LTBP1: variants seen among roughly 807,000 people sequenced by gnomAD.
LTBP1 encodes the protein latent transforming growth factor beta binding protein 1.
In LTBP1, 129 loss-of-function variants were observed where a neutral mutation model predicts 207.6. That is an observed-to-expected ratio of 0.62 (90% CI 0.54 to 0.72). LTBP1 has a LOEUF of 0.72. Among genes scored for constraint, LTBP1 ranks in the 30% least tolerant of loss-of-function variants. The pLI is 0.00. For synonymous variants in LTBP1, 963 were observed against 833.7 expected (o/e 1.16, Z -2.67); for missense variants, 2,281 against 2,217.2 (o/e 1.03, Z -0.58).
At chr2:33,280,830 A>G (rs10176679) in intron 19 of LTBP1, among the ~76,000 whole-genome samples, 2,724 of 152,246 alleles carry the variant, frequency 0.018, 88 homozygotes, top group African/African-American at 0.061. Flanking sequence ...GAACTTTGGA[A>G]GGCCGAGGCA....
Position 33,381,434 on chromosome 2 carries a change from G to A in LTBP1, c.4712-7750G>A, listed in dbSNP as rs72802034. Reference sequence around the variant, plus strand: ...GGTGAAGGTTGGGAGTGGGGAGAACGTGGTTGGTCTATGGCCCGTGAGTCT... The same window carrying A: ...GGTGAAGGTTGGGAGTGGGGAGAACATGGTTGGTCTATGGCCCGTGAGTCT... On this transcript the variant is annotated intron_variant, in intron 31 of 33. Transcript: ENST00000404816. 6.1e-3 allele frequency among the ~76,000 whole-genome samples: 932 copies of A among 152,296 alleles called. 2 individuals carry two copies. The highest frequency in any genetic ancestry group is 9.2e-3 in the Non-Finnish European group (628 of 68,018).
chr2:33,034,164 A>G (rs986715366), intron 3 of LTBP1, among the ~76,000 whole-genome samples: 18 of 151,910 alleles, frequency 1.2e-4, no homozygotes, highest in African/African-American at 4.3e-4. Context: ...TGAGGGAATG[A>G]TGGCATGGAT....
intron 19 of LTBP1, among the ~76,000 whole-genome samples, chr2:33,286,147 CAAA>C (rs1158308504): frequency 6.6e-6 from 1 of 152,192 alleles, no homozygotes. Flanking sequence ...CCCGGTAACA[CAAA>C]ATTCTGAGAT....
intron 24 of LTBP1, among the ~76,000 whole-genome samples, chr2:33,335,099 CAGA>C (rs1418975957): frequency 6.8e-6 from 1 of 147,594 alleles, no homozygotes; most frequent in African/African-American, 2.5e-5. Flanking sequence ...GTGTGGGCAA[CAGA>C]GTGAGACCCT....
intron 3 of LTBP1, among the ~76,000 whole-genome samples, chr2:33,036,544 G>A (rs192644099): frequency 4.0e-5 from 6 of 151,380 alleles, no homozygotes; most frequent in East Asian, 3.9e-4. Context: ...TGCAACCTCC[G>A]CCTCCTGGGT....
At chr2:33,078,454 C>T (rs997896107) in intron 3 of LTBP1, among the ~76,000 whole-genome samples, 1 of 152,146 alleles carries the variant, frequency 6.6e-6, no homozygotes, top group African/African-American at 2.4e-5. Flanking sequence ...ATAATGTGAC[C>T]AGAACCACTG....
At chr2:33,086,123 T>G (rs1422087046) in intron 3 of LTBP1, among the ~76,000 whole-genome samples, 1 of 152,186 alleles carries the variant, frequency 6.6e-6, no homozygotes, top group Non-Finnish European at 1.5e-5. Context: ...ATTCACCCAC[T>G]GTGAAGTAGG....
chr2:33,175,874 A>G (rs1208468263), intron 5 of LTBP1, among the ~76,000 whole-genome samples: 1 of 142,636 alleles, frequency 7.0e-6, no homozygotes, highest in Non-Finnish European at 1.5e-5. Flanking sequence ...ATGAAATTGG[A>G]AATCATCATT....
intron 5 of LTBP1, among the ~76,000 whole-genome samples, chr2:33,157,726 C>G (rs1200354871): frequency 6.6e-6 from 1 of 152,152 alleles, no homozygotes; most frequent in African/African-American, 2.4e-5. Flanking sequence ...CGAGGAGCAT[C>G]AGAGAGAGAT....
chr2:33,323,604 G>A (rs941845404), intron 24 of LTBP1, among the ~76,000 whole-genome samples: 1 of 149,260 alleles, frequency 6.7e-6, no homozygotes, highest in East Asian at 2.0e-4. Flanking sequence ...ATTTCAGCCT[G>A]GGTGACAGAG....
intron 12 of LTBP1, among the ~76,000 whole-genome samples, 170 bp downstream of exon 12, chr2:33,257,681 C>G (rs1017420072): frequency 1.2e-4 from 19 of 152,186 alleles, no homozygotes; most frequent in African/African-American, 4.6e-4. Flanking sequence ...AAATGTTTAG[C>G]CACTGCTATA....
chr2:33,081,589 T>G (rs944506341), intron 3 of LTBP1, among the ~76,000 whole-genome samples: 4 of 152,118 alleles, frequency 2.6e-5, no homozygotes, highest in African/African-American at 7.2e-5. Flanking sequence ...TGTTAGCACG[T>G]TGGTTCTAAA....
intron 2 of LTBP1, among the ~76,000 whole-genome samples, chr2:32,990,976 A>C (rs1265773831): frequency 6.6e-6 from 1 of 152,172 alleles, no homozygotes; most frequent in Admixed American, 6.5e-5. Flanking sequence ...TTACCTTCCA[A>C]GATTATAATA....
intron 3 of LTBP1, among the ~76,000 whole-genome samples, chr2:33,083,361 G>A (rs1439650453): frequency 6.6e-6 from 1 of 152,092 alleles, no homozygotes; most frequent in Non-Finnish European, 1.5e-5. Flanking sequence ...CTCAAAAAAT[G>A]TGTCCTCCAC....
At chr2:33,325,430 T>G (rs2094414292) in intron 24 of LTBP1, among the ~76,000 whole-genome samples, 1 of 152,216 alleles carries the variant, frequency 6.6e-6, no homozygotes, top group Non-Finnish European at 1.5e-5. Context: ...TCTGTAGGGC[T>G]TTCTCCCAGT....
At chr2:32,957,920 A>G (rs960479348) in intron 2 of LTBP1, among the ~76,000 whole-genome samples, 2 of 152,124 alleles carry the variant, frequency 1.3e-5, no homozygotes, top group African/African-American at 4.8e-5. Context: ...CTGTGCATAC[A>G]TTGCCATCGA....
intron 2 of LTBP1, among the ~76,000 whole-genome samples, chr2:32,976,671 C>A (rs1681839033): frequency 1.3e-5 from 2 of 152,150 alleles, no homozygotes; most frequent in African/African-American, 4.8e-5. Flanking sequence ...GCTTGCATTT[C>A]TTTTGTTAGG....
chr2:33,222,252 C>T, intron 9 of LTBP1, 101 bp downstream of exon 9: 1 of 787,364 alleles, frequency 1.3e-6, no homozygotes. Flanking sequence ...CAGCCTGTCA[C>T]AGTGAACCAC....
Position 33,134,199 on chromosome 2 carries a change from A to G in LTBP1, c.1034-594A>G, listed in dbSNP as rs959688248. On this transcript the variant is annotated intron_variant, in intron 4 of 33. Coordinates refer to ENST00000404816, the MANE Select transcript of LTBP1 (RefSeq NM_206943.4). This position sits in a 1 kb window ranked among gnomAD's most constrained non-coding sequence, Gnocchi z 4.4. ...AGAAATAGTGCCCTGGAGTTGTGAA[A>G]AAGAAATGGGCTCCCGCAGCTGCGT... Among the ~76,000 whole-genome samples the G allele has an allele frequency of 1.8e-4, 28 of 152,236 alleles. No individual in the cohort carries two copies. Among genetic ancestry groups the G allele is most frequent in the African/African-American group, 6.3e-4 (26 of 41,456 alleles).
Sources: gnomAD v4.1 joint callset for allele counts (sites outside exome capture counted in the v4.1 genomes callset) on GRCh38, gnomAD v4.1.1 for gene constraint, Gnocchi (gnomAD v3.1) non-coding constraint, MANE v1.5 for transcripts, NCBI Gene and HGNC (gene_info 2026-07-23, HGNC 2026-07-21) for gene names.